Variants in C2CD3 observed in about 807,000 individuals in gnomAD.
C2CD3 encodes C2 domain-containing protein 3.
In C2CD3, 148 loss-of-function variants were observed where a neutral mutation model predicts 234.0. The ratio of observed to expected loss-of-function variants is 0.63; its 90% CI spans 0.55 to 0.72. The LOEUF (loss-of-function observed/expected upper bound fraction) is 0.72, where lower values mean the gene tolerates loss of function less well. C2CD3 is among the 30% of genes least tolerant of loss of function. The pLI, the probability that C2CD3 is intolerant of heterozygous loss-of-function variation, is 0.00. For missense variants in C2CD3, 2,577 were observed against 2,811.5 expected, an observed-to-expected ratio of 0.92 and a Z score of 1.89; for synonymous variants, 1,000 against 1,035.4, an observed-to-expected ratio of 0.97 and a Z score of 0.66.
chr11:74,013,979 C>T (rs1183530418), intron 32 of C2CD3, among the ~76,000 whole-genome samples: 1 of 152,156 alleles, frequency 6.6e-6, no homozygotes. Flanking sequence ...GAATAATACA[C>T]TCTCTGTTTG....
rs554653886 is a variant in C2CD3, at chr11:74,083,204, T to C, written c.4000+1677A>G. Among the ~76,000 whole-genome samples, 53 of 152,308 alleles carry C rather than the reference T, an allele frequency of 3.5e-4. No homozygotes were observed. The East Asian group carries it at 8.3e-3, about 24-fold the overall frequency. Reference sequence around the variant, plus strand: ...CAAGAAATGGGGAAAGGATTCCCTATTTAATAAATAGTGCTGGGAAAACTG... The same window carrying C: ...CAAGAAATGGGGAAAGGATTCCCTACTTAATAAATAGTGCTGGGAAAACTG... On this transcript the variant is annotated intron_variant, in intron 22 of 32. Coordinates refer to ENST00000334126, the MANE Select transcript of C2CD3 (RefSeq NM_001286577.2).
intron 31 of C2CD3, among the ~76,000 whole-genome samples, chr11:74,030,714 C>T (rs955705418): frequency 6.6e-6 from 1 of 152,150 alleles, no homozygotes; most frequent in Admixed American, 6.5e-5. Flanking sequence ...GAGATGCCTA[C>T]CTTTATGGCT....
Position 74,013,471 on chromosome 11 carries a change from G to C in C2CD3, c.6976C>G (p.Pro2326Ala). Residue 2326 changes from proline (P) to alanine (A), a missense_variant, in exon 33 of 33, where the codon CCT (proline) becomes GCT (alanine). Coordinates refer to ENST00000334126, the MANE Select transcript of C2CD3 (RefSeq NM_001286577.2). ...GGCAGGTTGAGGGGGAGCGAGTTAG[G>C]TCTGGGGCGACAAGGCCTTTGGGAG... ...ALSQRPCRPR[P>A]NSLPLNLPEE... The C allele has an allele frequency of 2.8e-6, 4 of 1,422,626 alleles. No homozygotes were observed. The highest frequency in any genetic ancestry group is 3.7e-6 in the Non-Finnish European group (4 of 1,093,770). The allele number at this position is 1,422,626 out of a possible 1,614,324, so 88.1% of individuals were successfully genotyped here.
chr11:74,047,774 C>G (rs538541213), intron 28 of C2CD3, among the ~76,000 whole-genome samples: 1 of 152,286 alleles, frequency 6.6e-6, no homozygotes, highest in Admixed American at 6.5e-5. Flanking sequence ...AGACCCTGTC[C>G]TTGTATAGGA....
intron 16 of C2CD3, among the ~76,000 whole-genome samples, chr11:74,095,819 G>A (rs1956084006): frequency 6.6e-6 from 1 of 152,094 alleles, no homozygotes. Flanking sequence ...AACAGCAAAG[G>A]AATGAGAAGT....
chr11:74,020,753 T>G (rs1392658944), intron 32 of C2CD3, among the ~76,000 whole-genome samples: 1 of 152,256 alleles, frequency 6.6e-6, no homozygotes, highest in African/African-American at 2.4e-5. Context: ...ATTTCAAGTC[T>G]GAGGTCAAAA....
intron 26 of C2CD3, among the ~76,000 whole-genome samples, chr11:74,052,435 G>A (rs185885617): frequency 2.6e-5 from 4 of 152,176 alleles, no homozygotes. Flanking sequence ...GATTTAATTC[G>A]GGCCACATAG....
chr11:74,083,738 A>G (rs1238655922), intron 22 of C2CD3, among the ~76,000 whole-genome samples: 5 of 152,216 alleles, frequency 3.3e-5, no homozygotes, highest in African/African-American at 1.2e-4. Context: ...CAAAACCACA[A>G]TGAGATACCA....
In C2CD3 at chr11:74,161,493, T is replaced by C. The variant is rs745661569; in HGVS notation, c.389A>G (p.Gln130Arg). ...KLDGLPIGRV[Q>R]INGLAQLSPT... ...AGAAAGTTGAGCTAGTCCATTGATC[T>C]GAACTCTACCAATTGGAAGACCATC... is the stretch of plus-strand genomic sequence containing the variant. The change falls in exon 3 of 33, where the codon CAG becomes CGG. Residue 130 changes from glutamine (Q) to arginine (R), a missense_variant. Transcript: ENST00000334126. The C allele has an allele frequency of 3.8e-6, 6 of 1,599,508 alleles. No individual in the cohort carries two copies. The highest frequency in any genetic ancestry group is 5.1e-6 in the Non-Finnish European group (6 of 1,171,444).
intron 14 of C2CD3, among the ~76,000 whole-genome samples, chr11:74,102,127 C>A (rs955618450): frequency 6.6e-6 from 1 of 152,056 alleles, no homozygotes; most frequent in Non-Finnish European, 1.5e-5. Flanking sequence ...TTAGTAGTAT[C>A]TATTAGACTT....
intron 24 of C2CD3, among the ~76,000 whole-genome samples, chr11:74,058,007 T>C (rs143650522): frequency 9.8e-5 from 15 of 152,314 alleles, no homozygotes; most frequent in African/African-American, 3.4e-4. Context: ...CTTTCTGCTA[T>C]TACCCTGTCT....
chr11:74,094,956 G>A (rs1956051689), intron 17 of C2CD3, among the ~76,000 whole-genome samples: 1 of 151,822 alleles, frequency 6.6e-6, no homozygotes, highest in Non-Finnish European at 1.5e-5. Context: ...TATAAAATAG[G>A]GCAAATGCAA....
intron 7 of C2CD3, among the ~76,000 whole-genome samples, chr11:74,131,032 T>C (rs1035610894): frequency 6.6e-6 from 1 of 151,978 alleles, no homozygotes; most frequent in African/African-American, 2.4e-5. Flanking sequence ...GTAGTAATCA[T>C]GGCTCACTGT....
At chr11:74,075,861 T>C (rs1955013010) in intron 23 of C2CD3, among the ~76,000 whole-genome samples, 1 of 152,146 alleles carries the variant, frequency 6.6e-6, no homozygotes, top group Non-Finnish European at 1.5e-5. Flanking sequence ...CTTGACGCAT[T>C]CAACAAACAC....
chr11:74,143,640 C>T lies in C2CD3; in HGVS notation c.484-3812G>A, dbSNP rs370343854. Among the ~76,000 whole-genome samples, 4 of 151,112 alleles carry T rather than the reference C, an allele frequency of 2.6e-5. No individual in the cohort carries two copies. In the East Asian group the frequency reaches 7.7e-4, roughly 29 times the overall value. The stretch of plus-strand genomic sequence containing the variant: ...GCCTTAAGTGATTCTCCCACCTCAG[C>T]TTCCTGAGTAGCTGAAATTATGGGC... On this transcript the variant is annotated intron_variant, in intron 3 of 32. Coordinates refer to ENST00000334126, the MANE Select transcript of C2CD3 (RefSeq NM_001286577.2).
At position 74,100,598 on chromosome 11, in the gene C2CD3, C is replaced by A; in HGVS notation, c.2659G>T (p.Val887Leu). ...AGCTTGTCCTGTCCTGGGCTCCGCA[C>A]CTTATTCCAAGTTTCAATTACCATC... ...NVMVIETWNK[V>L]RSPGQDKLLG... Residue 887 changes from valine (V) to leucine (L), a missense_variant, in exon 15 of 33, where the codon GTG becomes TTG. Physicochemically the swap from Val to Leu is conservative, Grantham distance 32 (BLOSUM62 1). Transcript: ENST00000334126. 1 of 1,614,106 alleles carries A rather than the reference C, an allele frequency of 6.2e-7. No homozygotes were observed. The highest frequency in any genetic ancestry group is 1.3e-5 in the African/African-American group (1 of 75,038).
intron 28 of C2CD3, 33 bp downstream of exon 28, chr11:74,048,172 C>G (rs1393908576): frequency 2.5e-6 from 4 of 1,603,796 alleles, no homozygotes; most frequent in Non-Finnish European, 3.4e-6. Flanking sequence ...ATTTTTTAAC[C>G]CCATTTCTTC....
chr11:74,085,005 TG>T, intron 21 of C2CD3, 35 bp from the exon 22 acceptor site: 2 of 1,241,420 alleles, frequency 1.6e-6, no homozygotes, highest in Non-Finnish European at 2.4e-6. Flanking sequence ...AATTATTTGA[TG>T]GTCTATTCAT....
chr11:74,163,068 G>T (rs1418990910), intron 2 of C2CD3, among the ~76,000 whole-genome samples: 2 of 152,156 alleles, frequency 1.3e-5, no homozygotes, highest in African/African-American at 4.8e-5. Context: ...GATCATTTCA[G>T]AACAGTTTAA....
Sources: allele counts gnomAD v4.1 joint callset (sites outside exome capture counted in the v4.1 genomes callset), GRCh38; gene constraint gnomAD v4.1.1; transcripts MANE v1.5; gene names NCBI Gene and HGNC (gene_info 2026-07-23, HGNC 2026-07-21).